The following CDH18 variants were observed in gnomAD, a reference collection of about 807,000 sequenced individuals.
CDH18 encodes the protein cadherin-18.
A neutral mutation model predicts 67.9 loss-of-function variants in CDH18; 31 were observed. That is an observed-to-expected ratio of 0.46 (90% CI 0.34 to 0.62). CDH18 has a LOEUF of 0.62. Among genes scored for constraint, CDH18 ranks in the 20% least tolerant of loss-of-function variants. The pLI is 0.01. For missense variants in CDH18, 890 were observed against 975.5 expected (o/e 0.91, Z 1.17); for synonymous variants, 362 against 347.2 (o/e 1.04, Z -0.48).
intron 2 of CDH18, among the ~76,000 whole-genome samples, chr5:20,152,329 C>T (rs1298363148): frequency 6.7e-6 from 1 of 149,226 alleles, no homozygotes; most frequent in Non-Finnish European, 1.5e-5. Flanking sequence ...TGAACAGATA[C>T]ATTTCTTTAA....
At chr5:19,916,367 G>A (rs571840735) in intron 2 of CDH18, among the ~76,000 whole-genome samples, 2 of 152,094 alleles carry the variant, frequency 1.3e-5, no homozygotes, top group African/African-American at 2.4e-5. Context: ...CAGGGATTAC[G>A]CCCTCTTCTC....
chr5:19,875,881 T>C (rs1786933434), intron 2 of CDH18, among the ~76,000 whole-genome samples: 1 of 82,512 alleles, frequency 1.2e-5, no homozygotes, highest in African/African-American at 3.3e-5. Context: ...TCCTTGGTAA[T>C]TTTTTTAATT....
At chr5:20,355,635 C>T (rs534084187) in intron 1 of CDH18, among the ~76,000 whole-genome samples, 1 of 152,230 alleles carries the variant, frequency 6.6e-6, no homozygotes, top group African/African-American at 2.4e-5. Flanking sequence ...ACAAAGATTA[C>T]TGTGTGAATT....
At chr5:20,095,195 C>A (rs1745784555) in intron 2 of CDH18, among the ~76,000 whole-genome samples, 1 of 151,310 alleles carries the variant, frequency 6.6e-6, no homozygotes, top group African/African-American at 2.4e-5. Context: ...AGGAGAAATA[C>A]CTAATGTAGA....
chr5:19,528,187 T>A (rs1748042293), intron 9 of CDH18, among the ~76,000 whole-genome samples: 1 of 151,786 alleles, frequency 6.6e-6, no homozygotes, highest in Non-Finnish European at 1.5e-5. Context: ...ATAATTCAGT[T>A]TTAACATGTT....
chr5:19,542,040 A>G (rs1750366465), intron 9 of CDH18, among the ~76,000 whole-genome samples: 1 of 152,180 alleles, frequency 6.6e-6, no homozygotes, highest in South Asian at 2.1e-4. Context: ...TTCTTTAGAG[A>G]ACCCCTTTAA....
intron 1 of CDH18, among the ~76,000 whole-genome samples, chr5:20,491,481 A>T (rs554526866): frequency 6.6e-6 from 1 of 152,336 alleles, no homozygotes; most frequent in Non-Finnish European, 1.5e-5. Context: ...TCATGTGATT[A>T]TAAAGGATGG....
At chr5:19,953,262 C>T (rs1049701339) in intron 2 of CDH18, among the ~76,000 whole-genome samples, 2 of 151,936 alleles carry the variant, frequency 1.3e-5, no homozygotes, top group South Asian at 4.1e-4. Context: ...AACAAAAATA[C>T]AGGAAGTCTG....
chr5:20,379,518 G>A (rs1474384968), intron 1 of CDH18, among the ~76,000 whole-genome samples: 2 of 152,002 alleles, frequency 1.3e-5, no homozygotes, highest in Non-Finnish European at 2.9e-5. Flanking sequence ...CTACCATATA[G>A]ACACTGAACC....
intron 3 of CDH18, among the ~76,000 whole-genome samples, chr5:19,817,483 T>G (rs1779416169): frequency 6.6e-6 from 1 of 151,990 alleles, no homozygotes; most frequent in African/African-American, 2.4e-5. Context: ...ACTCATTAAG[T>G]TAATAATGGG....
chr5:19,859,396 C>A (rs1185294388), intron 2 of CDH18, among the ~76,000 whole-genome samples: 1 of 152,056 alleles, frequency 6.6e-6, no homozygotes, highest in Non-Finnish European at 1.5e-5. Flanking sequence ...AAGTATTTCA[C>A]CCCCAAATAT....
intron 2 of CDH18, among the ~76,000 whole-genome samples, chr5:19,971,195 AAT>A: frequency 6.6e-6 from 1 of 152,120 alleles, no homozygotes; most frequent in South Asian, 2.1e-4. Flanking sequence ...AAATATTCAG[AAT>A]ATATAATAGA....
At chr5:20,171,381 A>AT in intron 2 of CDH18, among the ~76,000 whole-genome samples, 1 of 151,880 alleles carries the variant, frequency 6.6e-6, no homozygotes, top group Non-Finnish European at 1.5e-5. Context: ...AGCATCTATT[A>AT]TTTTTCAACT....
At chr5:20,086,157 T>C (rs954737365) in intron 2 of CDH18, among the ~76,000 whole-genome samples, 2 of 152,310 alleles carry the variant, frequency 1.3e-5, no homozygotes, top group Admixed American at 1.3e-4. Context: ...GTTTTATTGG[T>C]CTTGATAGAT....
At chr5:20,040,509 A>G (rs564675829) in intron 2 of CDH18, among the ~76,000 whole-genome samples, 55 of 152,232 alleles carry the variant, frequency 3.6e-4, no homozygotes, top group African/African-American at 1.3e-3. Flanking sequence ...TGTCATGAAG[A>G]TGGAACCAGA....
intron 3 of CDH18, among the ~76,000 whole-genome samples, chr5:19,778,377 G>T (rs1774652418): frequency 6.6e-6 from 1 of 152,132 alleles, no homozygotes; most frequent in African/African-American, 2.4e-5. Context: ...TGAATTAACA[G>T]TGTCTTTATC....
intron 2 of CDH18, among the ~76,000 whole-genome samples, chr5:19,883,592 T>C (rs1049449597): frequency 6.6e-6 from 1 of 152,132 alleles, no homozygotes; most frequent in Non-Finnish European, 1.5e-5. Flanking sequence ...TATTTGTTTA[T>C]ATAGTTTAAA....
chr5:20,466,546 A>G (rs1751645558), intron 1 of CDH18, among the ~76,000 whole-genome samples: 1 of 152,114 alleles, frequency 6.6e-6, no homozygotes, highest in African/African-American at 2.4e-5. Context: ...AATAAGAATG[A>G]GTGAGAATTT....
intron 6 of CDH18, among the ~76,000 whole-genome samples, chr5:19,611,217 G>A (rs1410577849): frequency 6.6e-6 from 1 of 152,144 alleles, no homozygotes; most frequent in Non-Finnish European, 1.5e-5. Context: ...CAAAAGTGCT[G>A]TGCAAGGGGA....
Sources: allele counts gnomAD v4.1 joint callset (sites outside exome capture counted in the v4.1 genomes callset), GRCh38; gene constraint gnomAD v4.1.1; transcripts MANE v1.5; gene names NCBI Gene and HGNC (gene_info 2026-07-23, HGNC 2026-07-21).